Variants in ABLIM1 observed in about 807,000 individuals in gnomAD.
ABLIM1 encodes the protein actin binding LIM protein 1.
Under a neutral mutation model 107.0 loss-of-function variants are expected in ABLIM1, and 40 were observed. The observed-to-expected ratio is 0.37, with a 90% CI of 0.29 to 0.49. ABLIM1 has a LOEUF of 0.49. Ranked by LOEUF, ABLIM1 falls within the 20% of genes least tolerant of loss-of-function variation. The probability of loss-of-function intolerance (pLI) is 0.97; values close to 1 mark genes in which losing one functional copy is unlikely to be tolerated. For synonymous variants in ABLIM1, 357 were observed against 357.3 expected, an observed-to-expected ratio of 1.00 and a Z score of 0.01; for missense variants, 857 against 1,008.5, an observed-to-expected ratio of 0.85 and a Z score of 2.04.
chr10:114,561,320 C>T (rs1339381592), intron 4 of ABLIM1, among the ~76,000 whole-genome samples: 1 of 152,206 alleles, frequency 6.6e-6, no homozygotes, highest in Non-Finnish European at 1.5e-5. Context: ...ACTTTTAGTA[C>T]TTTCATCACG....
chr10:114,583,450 C>T (rs866633458), intron 2 of ABLIM1, among the ~76,000 whole-genome samples: 4 of 36,410 alleles, frequency 1.1e-4, no homozygotes, highest in African/African-American at 3.3e-4. Flanking sequence ...CACACACACA[C>T]ACACACACAC....
At chr10:114,790,378 A>G in the ABLIM1 span, among the ~76,000 whole-genome samples, 2 of 151,838 alleles carry the variant, frequency 1.3e-5, no homozygotes, top group South Asian at 2.1e-4. Context: ...ATATAAAAAC[A>G]TTATCTTTAA....
chr10:114,464,681 A>G (rs2064764783), intron 12 of ABLIM1, among the ~76,000 whole-genome samples: 1 of 152,252 alleles, frequency 6.6e-6, no homozygotes, highest in Non-Finnish European at 1.5e-5. Flanking sequence ...CAAAGGATCA[A>G]ATAGTTTGAA....
At chr10:114,710,693 A>G (rs770214565) in intron 1 of ABLIM1, among the ~76,000 whole-genome samples, 7 of 152,160 alleles carry the variant, frequency 4.6e-5, no homozygotes, top group Non-Finnish European at 1.0e-4. Flanking sequence ...GGGTGGGAGG[A>G]TTGCTTGAGC....
intron 1 of ABLIM1, among the ~76,000 whole-genome samples, chr10:114,747,919 A>C (rs2082418988): frequency 6.6e-6 from 1 of 152,208 alleles, no homozygotes; most frequent in Non-Finnish European, 1.5e-5. Flanking sequence ...ATGTGCCTGT[A>C]ATCCCAGCTA....
At chr10:114,798,294 G>A in the ABLIM1 span, among the ~76,000 whole-genome samples, 1,758 of 151,958 alleles carry the variant, frequency 0.012, 41 homozygotes, top group African/African-American at 0.04. Flanking sequence ...GGTGGTGCGC[G>A]CCTGTAGTCC....
At chr10:114,701,295 A>G (rs77777011) in intron 1 of ABLIM1, among the ~76,000 whole-genome samples, 2,452 of 152,226 alleles carry the variant, frequency 0.016, 64 homozygotes, top group African/African-American at 0.055. Context: ...GACAATTGTA[A>G]CTCTAATACA....
intron 1 of ABLIM1, among the ~76,000 whole-genome samples, chr10:114,700,054 C>T (rs955818074): frequency 7.2e-5 from 11 of 152,164 alleles, no homozygotes; most frequent in African/African-American, 2.4e-4. Flanking sequence ...CCACCTCAGC[C>T]TCCCAAGTTG....
chr10:114,569,596 G>T (rs1284841052), intron 4 of ABLIM1, among the ~76,000 whole-genome samples: 1 of 152,088 alleles, frequency 6.6e-6, no homozygotes, highest in Non-Finnish European at 1.5e-5. Flanking sequence ...GGGATTACAG[G>T]GCCTCTTTTT....
At chr10:114,797,129 G>C in the ABLIM1 span, among the ~76,000 whole-genome samples, 1 of 152,166 alleles carries the variant, frequency 6.6e-6, no homozygotes, top group South Asian at 2.1e-4. Context: ...CTATTCCCAA[G>C]AGATGGGTCC....
At chr10:114,703,020 A>T (rs1189916227) in intron 1 of ABLIM1, among the ~76,000 whole-genome samples, 1 of 152,226 alleles carries the variant, frequency 6.6e-6, no homozygotes, top group African/African-American at 2.4e-5. Context: ...CTTTGGGAGT[A>T]CCTAGATGAA....
chr10:114,673,265 A>G (rs991043899), intron 1 of ABLIM1, among the ~76,000 whole-genome samples: 10 of 151,926 alleles, frequency 6.6e-5, no homozygotes, highest in Admixed American at 1.3e-4. Context: ...CTAAAAAAAA[A>G]AAAAACAAAA....
intron 17 of ABLIM1, among the ~76,000 whole-genome samples, chr10:114,442,010 G>A (rs73352031): frequency 0.02 from 2,989 of 152,232 alleles, 99 homozygotes; most frequent in African/African-American, 0.069. Flanking sequence ...GTTGAGTGGG[G>A]GCTGAAGCTG....
At chr10:114,632,558 T>C (rs984799522) in intron 1 of ABLIM1, 45 of 984,880 alleles carry the variant, frequency 4.6e-5, no homozygotes, top group Non-Finnish European at 5.1e-5. Context: ...AAATGAATAA[T>C]GACATTTGGT....
chr10:114,451,387 T>TA, intron 14 of ABLIM1, among the ~76,000 whole-genome samples: 1 of 152,332 alleles, frequency 6.6e-6, no homozygotes, highest in Admixed American at 6.5e-5. Flanking sequence ...AACAGAATGA[T>TA]ACATGGTTTG....
chr10:114,531,643 G>A (rs9325544), intron 6 of ABLIM1, among the ~76,000 whole-genome samples: 52,637 of 151,930 alleles, frequency 0.35, 11,310 homozygotes, highest in African/African-American at 0.61. Flanking sequence ...TCAGCCTCCC[G>A]AGTAGCTGGG....
the ABLIM1 span, chr10:114,779,772 G>A: frequency 3.3e-5 from 5 of 151,974 alleles, no homozygotes; most frequent in Non-Finnish European, 5.9e-5. Context: ...TTTCTTTTGC[G>A]AGTCATTTAT....
chr10:114,665,814 C>T (rs1032311094), intron 1 of ABLIM1, among the ~76,000 whole-genome samples: 2 of 152,104 alleles, frequency 1.3e-5, no homozygotes, highest in African/African-American at 2.4e-5. Context: ...AAACTGAGAC[C>T]CGGGAGAGTA....
chr10:114,658,636 A>T (rs1360568139), upstream of ABLIM1, among the ~76,000 whole-genome samples: 1 of 152,184 alleles, frequency 6.6e-6, no homozygotes, highest in Non-Finnish European at 1.5e-5. Context: ...TCCCAGGGTA[A>T]TAATTCCAAG....
Sources: gnomAD v4.1 joint callset for allele counts (sites outside exome capture counted in the v4.1 genomes callset) on GRCh38, gnomAD v4.1.1 for gene constraint, MANE v1.5 for transcripts, NCBI Gene and HGNC (gene_info 2026-07-23, HGNC 2026-07-21) for gene names.